The following SNTG1 variants were observed in gnomAD, a reference collection of about 807,000 sequenced individuals.
SNTG1 encodes the protein syntrophin gamma 1, also known as gamma-1-syntrophin.
SNTG1 carries 39 observed loss-of-function variants against 74.7 expected under a neutral mutation model. The observed-to-expected ratio is 0.52, with a 90% confidence interval of 0.40 to 0.68. The LOEUF (loss-of-function observed/expected upper bound fraction) is 0.68, where lower values mean the gene tolerates loss of function less well. Among genes scored for constraint, SNTG1 ranks in the 30% least tolerant of loss-of-function variants. The pLI is 0.00. For missense variants in SNTG1, 685 were observed against 609.5 expected (o/e 1.12, Z -1.30); for synonymous variants, 254 against 217.1 (o/e 1.17, Z -1.49).
intron 4 of SNTG1, among the ~76,000 whole-genome samples, chr8:50,404,733 A>G (rs1019259582): frequency 2.0e-5 from 3 of 152,034 alleles, no homozygotes; most frequent in Admixed American, 2.0e-4. Context: ...TTGTTGTGTA[A>G]CTATCACCAC....
intron 17 of SNTG1, among the ~76,000 whole-genome samples, chr8:50,728,705 G>A (rs918100345): frequency 2.0e-5 from 3 of 152,114 alleles, no homozygotes; most frequent in African/African-American, 4.8e-5. Flanking sequence ...CATTCTTTAT[G>A]CCAATGACAG....
intron 18 of SNTG1, among the ~76,000 whole-genome samples, chr8:50,778,986 C>T (rs1418347191): frequency 1.3e-5 from 2 of 152,152 alleles, no homozygotes; most frequent in African/African-American, 2.4e-5. Flanking sequence ...CTGTTTTTCT[C>T]AGGTTTGTCA....
chr8:50,042,323 G>C (rs1442842193), intron 1 of SNTG1, among the ~76,000 whole-genome samples: 1 of 152,124 alleles, frequency 6.6e-6, no homozygotes, highest in Non-Finnish European at 1.5e-5. Context: ...CTGCTGATGT[G>C]TTGTAGGTCC....
At chr8:50,567,429 G>T (rs1383326802) in intron 12 of SNTG1, among the ~76,000 whole-genome samples, 1 of 151,970 alleles carries the variant, frequency 6.6e-6, no homozygotes, top group East Asian at 1.9e-4. Context: ...CCCTATATGT[G>T]TTGTTTATTT....
intron 13 of SNTG1, among the ~76,000 whole-genome samples, chr8:50,652,673 T>C (rs148578468): frequency 2.0e-5 from 3 of 152,128 alleles, no homozygotes; most frequent in Admixed American, 6.5e-5. Flanking sequence ...GGTGGGCACC[T>C]TTAGTCCCGG....
At chr8:50,470,333 C>T (rs183217646) in intron 8 of SNTG1, among the ~76,000 whole-genome samples, 16 of 152,250 alleles carry the variant, frequency 1.1e-4, no homozygotes, top group East Asian at 7.7e-4. Context: ...TGGTTCCTTC[C>T]GGTGGGTTCT....
intron 8 of SNTG1, among the ~76,000 whole-genome samples, chr8:50,474,229 T>C (rs1009459764): frequency 6.6e-6 from 1 of 151,786 alleles, no homozygotes; most frequent in African/African-American, 2.4e-5. Context: ...ACAAATGGGA[T>C]CTAATTAAAC....
intron 1 of SNTG1, among the ~76,000 whole-genome samples, chr8:50,077,246 C>T (rs182820450): frequency 1.3e-4 from 20 of 152,210 alleles, no homozygotes; most frequent in Admixed American, 1.2e-3. Flanking sequence ...TTATTCCTTC[C>T]AAATCTGGTT....
intron 1 of SNTG1, among the ~76,000 whole-genome samples, chr8:49,970,226 C>T (rs1305026580): frequency 3.3e-5 from 5 of 152,018 alleles, no homozygotes; most frequent in East Asian, 3.9e-4. Context: ...AGAGGTGCTA[C>T]GAGATCATCA....
At chr8:50,686,773 T>C (rs1485946910) in intron 15 of SNTG1, among the ~76,000 whole-genome samples, 1 of 152,110 alleles carries the variant, frequency 6.6e-6, no homozygotes, top group Non-Finnish European at 1.5e-5. Context: ...GTAATAGAAA[T>C]AGACTATGAA....
At chr8:50,639,775 A>G (rs2095061169) in intron 13 of SNTG1, among the ~76,000 whole-genome samples, 2 of 152,092 alleles carry the variant, frequency 1.3e-5, no homozygotes. Context: ...ACCTTTTAGT[A>G]TATTATGATT....
intron 12 of SNTG1, among the ~76,000 whole-genome samples, chr8:50,562,324 G>T (rs1481999777): frequency 4.6e-5 from 7 of 152,170 alleles, no homozygotes. Context: ...AATTAGCCTA[G>T]ATTATCCAAG....
intron 9 of SNTG1, among the ~76,000 whole-genome samples, chr8:50,521,130 G>A (rs190837402): frequency 6.6e-6 from 1 of 152,302 alleles, no homozygotes; most frequent in Non-Finnish European, 1.5e-5. Flanking sequence ...TGACATGGAT[G>A]AAACTGGAAA....
Position 50,795,228 on chromosome 8 carries a change from TA to T in SNTG1, c.*2401del, listed in dbSNP as rs1460114157. ...TTTTTGATACTATTGATAAAAAACA[TA>T]AGCCGTGATTTTTATTTAACATGAT... On this transcript the variant is annotated 3_prime_UTR_variant, in exon 19 of 19. Coordinates refer to ENST00000642720, the MANE Select transcript of SNTG1 (RefSeq NM_018967.5). 1 of 151,982 alleles carries T rather than the reference TA, an allele frequency of 6.6e-6. No individual in the cohort carries two copies. The highest frequency in any genetic ancestry group is 1.5e-5 in the Non-Finnish European group (1 of 67,952). The allele number at this position is 151,982 out of a possible 1,614,324, so 9.4% of individuals were successfully genotyped here. A position where few individuals can be genotyped will look rare whatever the true frequency, so the allele number is the denominator to read the frequency against.
At chr8:50,564,312 G>A in intron 12 of SNTG1, among the ~76,000 whole-genome samples, 1 of 151,876 alleles carries the variant, frequency 6.6e-6, no homozygotes, top group East Asian at 1.9e-4. Flanking sequence ...ATTATAGTTT[G>A]ATGTATATTT....
At chr8:50,218,288 G>A (rs555539441) in intron 2 of SNTG1, among the ~76,000 whole-genome samples, 1 of 152,082 alleles carries the variant, frequency 6.6e-6, no homozygotes. Context: ...TAGCACTGTG[G>A]GTTACGCTTT....
chr8:50,355,663 G>T (rs2091797435), intron 2 of SNTG1, among the ~76,000 whole-genome samples: 1 of 152,176 alleles, frequency 6.6e-6, no homozygotes, highest in African/African-American at 2.4e-5. Flanking sequence ...ATCAGTTGCT[G>T]CTGCTGAGAA....
intron 16 of SNTG1, among the ~76,000 whole-genome samples, chr8:50,707,170 TC>T (rs1262393852): frequency 6.6e-6 from 1 of 152,120 alleles, no homozygotes; most frequent in South Asian, 2.1e-4. Flanking sequence ...ATTGAGAAAA[TC>T]TAATTTAATT....
At chr8:50,157,999 T>C (rs1017403761) in intron 1 of SNTG1, among the ~76,000 whole-genome samples, 7 of 152,150 alleles carry the variant, frequency 4.6e-5, no homozygotes, top group Non-Finnish European at 1.0e-4. Context: ...CTGGCTTATG[T>C]CAACTGTCCT....
Sources: allele counts gnomAD v4.1 joint callset (sites outside exome capture counted in the v4.1 genomes callset), GRCh38; gene constraint gnomAD v4.1.1; transcripts MANE v1.5; gene names NCBI Gene and HGNC (gene_info 2026-07-23, HGNC 2026-07-21).